CTNND2: variants seen among roughly 807,000 people sequenced by gnomAD.
The protein encoded by CTNND2 is catenin delta 2.
Under a neutral mutation model 144.4 loss-of-function variants are expected in CTNND2, and 22 were observed. The observed-to-expected ratio is 0.15, with a 90% CI of 0.11 to 0.22. CTNND2 has a LOEUF of 0.22. Among genes scored for constraint, CTNND2 ranks in the 10% least tolerant of loss-of-function variants. CTNND2 has a pLI of 1.00. For missense variants in CTNND2, 1,353 were observed against 1,618.8 expected (o/e 0.84, Z 2.82); for synonymous variants, 751 against 695.6 (o/e 1.08, Z -1.25).
At chr5:11,124,399 T>C (rs561841755) in intron 12 of CTNND2, among the ~76,000 whole-genome samples, 2 of 152,328 alleles carry the variant, frequency 1.3e-5, no homozygotes, top group African/African-American at 4.8e-5. Context: ...TTACCTGATC[T>C]GAGTAAGTGT....
At chr5:11,348,208 G>T (rs573185970) in intron 8 of CTNND2, among the ~76,000 whole-genome samples, 2 of 152,044 alleles carry the variant, frequency 1.3e-5, no homozygotes, top group African/African-American at 4.8e-5. Context: ...CAGAAAATCC[G>T]CTTTATGTCC....
chr5:11,314,336 T>C (rs1315505426), intron 9 of CTNND2, among the ~76,000 whole-genome samples: 1 of 152,112 alleles, frequency 6.6e-6, no homozygotes, highest in African/African-American at 2.4e-5. Context: ...CTCAAAGCTA[T>C]GTTTTGGGGA....
chr5:11,352,171 T>C (rs1755395876), intron 8 of CTNND2, among the ~76,000 whole-genome samples: 1 of 152,320 alleles, frequency 6.6e-6, no homozygotes, highest in South Asian at 2.1e-4. Context: ...TGATTCTTAG[T>C]AGTAATGGAA....
At chr5:11,407,886 G>A (rs1327942943) in intron 5 of CTNND2, among the ~76,000 whole-genome samples, 1 of 151,750 alleles carries the variant, frequency 6.6e-6, no homozygotes, top group African/African-American at 2.4e-5. Flanking sequence ...TTCCACTATC[G>A]AGGAGGATGC....
At chr5:11,373,283 C>T (rs1324896843) in intron 7 of CTNND2, among the ~76,000 whole-genome samples, 1 of 152,158 alleles carries the variant, frequency 6.6e-6, no homozygotes, top group Non-Finnish European at 1.5e-5. Context: ...CACTATGTTG[C>T]TCAAGCTGGT....
chr5:11,899,165 A>C (rs1232704726), intron 1 of CTNND2, among the ~76,000 whole-genome samples: 2 of 152,142 alleles, frequency 1.3e-5, no homozygotes, highest in South Asian at 2.1e-4. Context: ...TTAGCTGTTT[A>C]AGGTTTCTTT....
chr5:11,893,902 T>C (rs915464592), intron 1 of CTNND2, among the ~76,000 whole-genome samples: 2 of 152,134 alleles, frequency 1.3e-5, no homozygotes, highest in African/African-American at 2.4e-5. Context: ...AAAACGAAGA[T>C]TAGCATCCCC....
intron 8 of CTNND2, among the ~76,000 whole-genome samples, chr5:11,351,761 T>A (rs1203500550): frequency 6.6e-6 from 1 of 152,194 alleles, no homozygotes. Flanking sequence ...TTATTTGTCT[T>A]TAAGTATATC....
intron 3 of CTNND2, among the ~76,000 whole-genome samples, chr5:11,439,232 G>A (rs918672019): frequency 6.6e-6 from 1 of 152,094 alleles, no homozygotes; most frequent in Non-Finnish European, 1.5e-5. Context: ...CCTTGTCACT[G>A]TTCACTGTTC....
intron 9 of CTNND2, among the ~76,000 whole-genome samples, chr5:11,316,680 C>A (rs544863103): frequency 6.7e-6 from 1 of 149,332 alleles, no homozygotes; most frequent in East Asian, 2.0e-4. Flanking sequence ...TGTGATGTTC[C>A]CCTTCCTGTG....
intron 11 of CTNND2, among the ~76,000 whole-genome samples, chr5:11,161,143 T>C (rs1185619327): frequency 6.6e-6 from 1 of 152,214 alleles, no homozygotes; most frequent in Non-Finnish European, 1.5e-5. Flanking sequence ...AATAAAGTTT[T>C]ATTGAAGCAC....
intron 16 of CTNND2, among the ~76,000 whole-genome samples, chr5:11,079,036 G>A (rs1749255206): frequency 1.3e-5 from 2 of 152,208 alleles, no homozygotes; most frequent in African/African-American, 4.8e-5. Context: ...TTTCTTGGAG[G>A]ATATGATGGC....
chr5:11,046,024 G>A (rs1745207560), intron 16 of CTNND2, among the ~76,000 whole-genome samples: 1 of 152,144 alleles, frequency 6.6e-6, no homozygotes, highest in Non-Finnish European at 1.5e-5. Flanking sequence ...CTCAGCAGCT[G>A]TTGGGGCTAC....
chr5:11,332,304 G>A (rs1001963862), intron 9 of CTNND2, among the ~76,000 whole-genome samples: 16 of 150,438 alleles, frequency 1.1e-4, no homozygotes, highest in Admixed American at 8.0e-4. Flanking sequence ...GTGGGCTTTC[G>A]AGCTTCCTAC....
chr5:11,865,212 T>G (rs1350535338), intron 1 of CTNND2, among the ~76,000 whole-genome samples: 1 of 152,170 alleles, frequency 6.6e-6, no homozygotes, highest in Non-Finnish European at 1.5e-5. Flanking sequence ...TTTTTGAATG[T>G]GTAAAATGGG....
intron 3 of CTNND2, among the ~76,000 whole-genome samples, chr5:11,564,622 A>G (rs1000513392): frequency 6.6e-6 from 1 of 152,160 alleles, no homozygotes; most frequent in African/African-American, 2.4e-5. Context: ...TTTACGAAAA[A>G]AAAAAAAAGT....
chr5:11,762,348 T>C (rs952735609), intron 1 of CTNND2, among the ~76,000 whole-genome samples: 5 of 152,088 alleles, frequency 3.3e-5, no homozygotes, highest in Non-Finnish European at 4.4e-5. Flanking sequence ...GAGCAGAGAA[T>C]AGAAACGTAA....
rs116037102 is a variant in CTNND2 at position 11,766,983 on chromosome 5, T to C, written c.38-34711A>G. 4.5e-3 allele frequency among the ~76,000 whole-genome samples: 678 copies of C among 152,094 alleles called. 9 individuals are homozygous for C. Among genetic ancestry groups the C allele is most frequent in the African/African-American group, 0.016 (655 of 41,480 alleles). ...GTGGCATCTCCTTGCATGCCAGAGCTCACCCTGAGACCCACCCCACCCCAC... is the reference window on the plus strand; with the variant it reads ...GTGGCATCTCCTTGCATGCCAGAGCCCACCCTGAGACCCACCCCACCCCAC... On this transcript the variant is annotated intron_variant, in intron 1 of 21. Transcript: ENST00000304623.
intron 9 of CTNND2, among the ~76,000 whole-genome samples, chr5:11,314,214 C>A (rs1331401481): frequency 1.3e-5 from 2 of 152,130 alleles, no homozygotes; most frequent in Non-Finnish European, 2.9e-5. Flanking sequence ...TGGACTAGTC[C>A]CCTATGAATT....
Sources: allele counts gnomAD v4.1 joint callset (sites outside exome capture counted in the v4.1 genomes callset), GRCh38; gene constraint gnomAD v4.1.1; transcripts MANE v1.5; gene names NCBI Gene and HGNC (gene_info 2026-07-23, HGNC 2026-07-21).